Variants in LRRTM4 observed in about 807,000 individuals in gnomAD.
LRRTM4 encodes the protein leucine rich repeat transmembrane neuronal 4.
In LRRTM4, 25 loss-of-function variants were observed where a neutral mutation model predicts 47.6. That is an observed-to-expected ratio of 0.53 (90% confidence interval 0.38 to 0.73). LRRTM4 has a LOEUF of 0.73. LRRTM4 is among the 30% of genes least tolerant of loss of function. LRRTM4 has a pLI of 0.00. For synonymous variants in LRRTM4, 311 were observed against 269.5 expected (o/e 1.15, Z -1.51); for missense variants, 638 against 713.4 (o/e 0.89, Z 1.20).
rs75875747 is a variant in LRRTM4 at position 77,050,130 on chromosome 2, T to C, written c.1552-301214A>G. The stretch of plus-strand genomic sequence containing the variant: ...GATGTGTTTTGTTAGAACCAAGTCT[T>C]TTTTTTTTTTTTTTTTGCTTTGATT... On this transcript the variant is annotated intron_variant, in intron 3 of 3. Coordinates refer to ENST00000409884, the MANE Select transcript of LRRTM4 (RefSeq NM_001134745.3). Among the ~76,000 whole-genome samples the C allele has an allele frequency of 1.9e-4, 25 of 133,758 alleles. No individual in the cohort carries two copies. In the South Asian group the frequency reaches 5.5e-3, roughly 29 times the overall value. 87.8% of individuals were successfully genotyped at this position (133,758 alleles called of 152,430 possible). A position where few individuals can be genotyped will look rare whatever the true frequency, so the allele number is the denominator to read the frequency against.
At chr2:77,131,422 T>C (rs1185915375) in intron 3 of LRRTM4, among the ~76,000 whole-genome samples, 1 of 152,206 alleles carries the variant, frequency 6.6e-6, no homozygotes, top group Non-Finnish European at 1.5e-5. Context: ...TGATAATCTG[T>C]TGTGTTAAAT....
chr2:77,403,440 T>A (rs1315313279), intron 3 of LRRTM4, among the ~76,000 whole-genome samples: 1 of 151,858 alleles, frequency 6.6e-6, no homozygotes, highest in East Asian at 1.9e-4. Flanking sequence ...AGGTGCTTAA[T>A]AGTTGAATAA....
At chr2:77,362,161 G>GAAAGA (rs1361843765) in intron 3 of LRRTM4, among the ~76,000 whole-genome samples, 2 of 151,516 alleles carry the variant, frequency 1.3e-5, no homozygotes, top group Non-Finnish European at 2.9e-5. Flanking sequence ...AAGAAAGAAA[G>GAAAGA]AAAGAAAGAA....
chr2:77,027,790 A>G (rs374558782), intron 3 of LRRTM4, among the ~76,000 whole-genome samples: 1 of 152,190 alleles, frequency 6.6e-6, no homozygotes, highest in Admixed American at 6.5e-5. Flanking sequence ...GCATTACATT[A>G]ATTATAGCAT....
intron 3 of LRRTM4, among the ~76,000 whole-genome samples, chr2:76,783,300 A>G (rs115712208): frequency 0.021 from 3,224 of 152,232 alleles, 113 homozygotes; most frequent in African/African-American, 0.072. Context: ...AACAATGCCA[A>G]TTTTAAATTA....
chr2:76,964,191 T>G (rs1675949798), intron 3 of LRRTM4, among the ~76,000 whole-genome samples: 1 of 150,958 alleles, frequency 6.6e-6, no homozygotes, highest in Non-Finnish European at 1.5e-5. Flanking sequence ...TCACTTTAGT[T>G]GGAGGTAGAC....
chr2:77,017,776 G>A (rs1256047499), intron 3 of LRRTM4, among the ~76,000 whole-genome samples: 2 of 145,720 alleles, frequency 1.4e-5, no homozygotes, highest in Non-Finnish European at 2.9e-5. Context: ...TATGTGAATT[G>A]TCTCCTAACT....
intron 3 of LRRTM4, among the ~76,000 whole-genome samples, chr2:76,807,978 CCTTCT>C (rs1670601498): frequency 7.7e-6 from 1 of 129,870 alleles, no homozygotes; most frequent in African/African-American, 3.1e-5. Flanking sequence ...TCCTTCCTTC[CCTTCT>C]TTCTTTTCTT....
At chr2:76,754,560 C>A (rs1408067505) in intron 3 of LRRTM4, among the ~76,000 whole-genome samples, 1 of 152,162 alleles carries the variant, frequency 6.6e-6, no homozygotes, top group African/African-American at 2.4e-5. Flanking sequence ...ATCTTCATAT[C>A]CTGGCTGCCA....
chr2:77,169,012 T>C (rs1349016417), intron 3 of LRRTM4, among the ~76,000 whole-genome samples: 3 of 152,180 alleles, frequency 2.0e-5, no homozygotes, highest in Non-Finnish European at 4.4e-5. Flanking sequence ...GAAAAGCATT[T>C]GATATAATTC....
At chr2:77,226,538 CATATATATAT>C (rs60188707) in intron 3 of LRRTM4, among the ~76,000 whole-genome samples, 5,283 of 143,974 alleles carry the variant, frequency 0.037, 244 homozygotes, top group African/African-American at 0.091. Context: ...AAATTATATA[CATATATATAT>C]ATATATATAT....
intron 3 of LRRTM4, among the ~76,000 whole-genome samples, chr2:76,758,193 A>G (rs941772765): frequency 1.3e-5 from 2 of 152,166 alleles, no homozygotes; most frequent in Non-Finnish European, 2.9e-5. Flanking sequence ...TTTTGAACAT[A>G]TATTCACTTC....
At chr2:77,208,414 T>C (rs1302940086) in intron 3 of LRRTM4, among the ~76,000 whole-genome samples, 5 of 152,120 alleles carry the variant, frequency 3.3e-5, no homozygotes, top group Non-Finnish European at 7.3e-5. Context: ...ATTTCTTCTA[T>C]ATACAAGAAG....
rs545039725 is a variant in LRRTM4, at chr2:76,807,471, C to CACATAT, written c.1552-58556_1552-58555insATATGT. 6.2e-3 allele frequency among the ~76,000 whole-genome samples: 604 copies of CACATAT among 97,438 alleles called. 14 individuals carry two copies. The highest frequency in any genetic ancestry group is 0.028 in the African/African-American group (520 of 18,378). The allele number at this position is 97,438 out of a possible 152,430, so 63.9% of individuals were successfully genotyped here. On this transcript the variant is annotated intron_variant, in intron 3 of 3. Coordinates refer to ENST00000409884, the MANE Select transcript of LRRTM4 (RefSeq NM_001134745.3). ...ATATATATATATACATATATATATA[C>CACATAT]ATATATATATATATACATATATATA... is the stretch of plus-strand genomic sequence containing the variant.
chr2:76,957,076 T>C (rs1216195723), intron 3 of LRRTM4, among the ~76,000 whole-genome samples: 1 of 151,742 alleles, frequency 6.6e-6, no homozygotes, highest in African/African-American at 2.4e-5. Context: ...GAAATATTAT[T>C]TGGCAAGAAA....
chr2:77,351,054 G>A (rs1381422070), intron 3 of LRRTM4, among the ~76,000 whole-genome samples: 2 of 152,052 alleles, frequency 1.3e-5, no homozygotes, highest in African/African-American at 4.8e-5. Context: ...TACTTTCCCT[G>A]AGCCTCTCCT....
chr2:77,276,586 G>A (rs1026163532), intron 3 of LRRTM4, among the ~76,000 whole-genome samples: 4 of 148,764 alleles, frequency 2.7e-5, no homozygotes, highest in Non-Finnish European at 4.5e-5. Flanking sequence ...CATAATTAGT[G>A]CTAAATAAAT....
chr2:77,039,182 A>G (rs968327776), intron 3 of LRRTM4, among the ~76,000 whole-genome samples: 2 of 151,452 alleles, frequency 1.3e-5, no homozygotes, highest in African/African-American at 2.4e-5. Flanking sequence ...GTCATCTTAT[A>G]AAAAGAGGAT....
At chr2:76,874,768 A>G (rs1672732261) in intron 3 of LRRTM4, among the ~76,000 whole-genome samples, 1 of 151,918 alleles carries the variant, frequency 6.6e-6, no homozygotes, top group Admixed American at 6.6e-5. Flanking sequence ...GGCTCTTGAT[A>G]CTAGACCCTG....
Sources: allele counts gnomAD v4.1 joint callset (sites outside exome capture counted in the v4.1 genomes callset), GRCh38; gene constraint gnomAD v4.1.1; transcripts MANE v1.5; gene names NCBI Gene and HGNC (gene_info 2026-07-23, HGNC 2026-07-21).